The following LGR5 variants were observed in gnomAD, a reference collection of about 807,000 sequenced individuals.
LGR5 encodes leucine rich repeat containing G protein-coupled receptor 5.
A neutral mutation model predicts 76.7 loss-of-function variants in LGR5; 54 were observed. The observed-to-expected ratio is 0.70, with a 90% CI of 0.57 to 0.88. The LOEUF is 0.88. LGR5 is among the 40% of genes least tolerant of loss of function. LGR5 has a pLI of 0.00. For missense variants in LGR5, 1,078 were observed against 1,073.3 expected (o/e 1.00, Z -0.06); for synonymous variants, 406 against 421.9 (o/e 0.96, Z 0.46).
At chr12:71,518,879 G>A (rs539392368) in intron 2 of LGR5, among the ~76,000 whole-genome samples, 10 of 152,108 alleles carry the variant, frequency 6.6e-5, no homozygotes, top group Admixed American at 2.0e-4. Context: ...ATAACTAATG[G>A]GTACTAGGCT....
At chr12:71,495,348 T>A (rs951441454) in intron 1 of LGR5, among the ~76,000 whole-genome samples, 3 of 151,276 alleles carry the variant, frequency 2.0e-5, no homozygotes, top group Admixed American at 6.5e-5. Flanking sequence ...CATAATTATA[T>A]CTTAGTTGGC....
At position 71,574,301 on chromosome 12, in the gene LGR5, C is replaced by CAAAAA. The variant is rs1726461; in HGVS notation, c.1208+1398_1208+1402dup. Among the ~76,000 whole-genome samples the CAAAAA allele has an allele frequency of 5.0e-3, 249 of 49,908 alleles. 11 individuals carry two copies. Among genetic ancestry groups the CAAAAA allele is most frequent in the Non-Finnish European group, 5.5e-3 (166 of 30,114 alleles). 32.7% of individuals were successfully genotyped at this position (49,908 alleles called of 152,430 possible). A position where few individuals can be genotyped will look rare whatever the true frequency, so the allele number is the denominator to read the frequency against. Reference sequence around the variant, plus strand: ...TGAGTGACAGAGCAAGACTCTGTCTCAAAAAAAAAAAAAAAAAAAAAAGGC... The same window carrying CAAAAA: ...TGAGTGACAGAGCAAGACTCTGTCTCAAAAAAAAAAAAAAAAAAAAAAAAAAAGGC... On this transcript the variant is annotated intron_variant, in intron 13 of 17. Coordinates refer to ENST00000266674, the MANE Select transcript of LGR5 (RefSeq NM_003667.4).
chr12:71,494,137 A>G (rs1592488419), intron 1 of LGR5, among the ~76,000 whole-genome samples: 1 of 150,554 alleles, frequency 6.6e-6, no homozygotes, highest in Non-Finnish European at 1.5e-5. Context: ...TAGTAGAGAC[A>G]GGGTTTCACC....
intron 11 of LGR5, among the ~76,000 whole-genome samples, chr12:71,568,889 T>C (rs1797378): frequency 0.88 from 134,164 of 152,228 alleles, 61,103 homozygotes; most frequent in East Asian, 1. Flanking sequence ...ATTCTGTAGG[T>C]TATGTGTAAC....
At position 71,527,682 on chromosome 12, in the gene LGR5, C is replaced by G. The variant is rs183039356; in HGVS notation, c.356+3205C>G. Among the ~76,000 whole-genome samples the G allele has an allele frequency of 5.4e-3, 816 of 152,326 alleles. 31 individuals carry two copies. The highest frequency in any genetic ancestry group is 0.045 in the Admixed American group (688 of 15,288). ...ATTTAATTAAAACATCTCCCAAAGG[C>G]TCTACCCAACACCTCCCAAAGGTCC... is the stretch of plus-strand genomic sequence containing the variant. On this transcript the variant is annotated intron_variant, in intron 3 of 17. Transcript: ENST00000266674.
chr12:71,570,776 A>AT (rs1385028567), intron 11 of LGR5, among the ~76,000 whole-genome samples: 1 of 152,142 alleles, frequency 6.6e-6, no homozygotes, highest in Admixed American at 6.5e-5. Flanking sequence ...AAAAAGTATG[A>AT]TTTTTCCCAT....
rs184338086 is a variant in LGR5 at position 71,549,280 on chromosome 12, C to G, written c.429-3793C>G. Among the ~76,000 whole-genome samples the G allele has an allele frequency of 6.3e-3, 826 of 130,228 alleles. 24 individuals carry two copies. Among genetic ancestry groups the G allele is most frequent in the Non-Finnish European group, 3.9e-3 (232 of 58,814 alleles). The allele number at this position is 130,228 out of a possible 152,430, so 85.4% of individuals were successfully genotyped here. On this transcript the variant is annotated intron_variant, in intron 4 of 17. Coordinates refer to ENST00000266674, the MANE Select transcript of LGR5 (RefSeq NM_003667.4). ...AAGCAGAGTGTAGAATAGTGGTCGC[C>G]AGGGGCTGGGAGTGGGAGTGGTTGA...
At chr12:71,470,745 A>G (rs148448391) in intron 1 of LGR5, among the ~76,000 whole-genome samples, 4 of 152,302 alleles carry the variant, frequency 2.6e-5, no homozygotes, top group Middle Eastern at 3.4e-3. Context: ...GCACTGCCTC[A>G]TGGACACCTT....
chr12:71,462,979 G>T (rs964136219), intron 1 of LGR5, among the ~76,000 whole-genome samples: 1 of 152,122 alleles, frequency 6.6e-6, no homozygotes, highest in African/African-American at 2.4e-5. Context: ...TATTAATTGT[G>T]TCGCTAACTA....
intron 1 of LGR5, among the ~76,000 whole-genome samples, chr12:71,458,273 G>T (rs1384134181): frequency 6.6e-6 from 1 of 152,000 alleles, no homozygotes; most frequent in Non-Finnish European, 1.5e-5. Context: ...ACCAAAGTGT[G>T]TATTTCAAGT....
At chr12:71,544,278 C>CTTTTTT (rs902924663) in intron 4 of LGR5, among the ~76,000 whole-genome samples, 1 of 91,396 alleles carries the variant, frequency 1.1e-5, no homozygotes, top group African/African-American at 4.0e-5. Context: ...TTTTCTTTGT[C>CTTTTTT]TTTTTTTTTT....
intron 2 of LGR5, among the ~76,000 whole-genome samples, chr12:71,514,788 C>A (rs1875354319): frequency 6.6e-6 from 1 of 152,070 alleles, no homozygotes; most frequent in Non-Finnish European, 1.5e-5. Flanking sequence ...AGCTTTTTGG[C>A]TGGATTTGAC....
At chr12:71,552,786 C>T (rs919690018) in intron 4 of LGR5, among the ~76,000 whole-genome samples, 15 of 152,100 alleles carry the variant, frequency 9.9e-5, no homozygotes, top group African/African-American at 2.9e-4. Context: ...AAACTCCATA[C>T]CTCAGGGGAG....
intron 2 of LGR5, among the ~76,000 whole-genome samples, chr12:71,518,444 T>C (rs946673076): frequency 6.6e-6 from 1 of 152,214 alleles, no homozygotes; most frequent in Non-Finnish European, 1.5e-5. Flanking sequence ...AGTGTGGCTA[T>C]TCCTCAAAGA....
intron 1 of LGR5, among the ~76,000 whole-genome samples, chr12:71,499,225 G>A (rs969092628): frequency 2.6e-5 from 4 of 152,074 alleles, no homozygotes; most frequent in African/African-American, 9.7e-5. Flanking sequence ...CCTAGGTTTT[G>A]GGGCTAAGAT....
intron 2 of LGR5, among the ~76,000 whole-genome samples, chr12:71,506,768 G>A (rs1340732858): frequency 1.3e-5 from 2 of 152,110 alleles, no homozygotes; most frequent in African/African-American, 4.8e-5. Context: ...CCTAACTGAT[G>A]TCTTAAAGAC....
At chr12:71,543,095 C>A (rs1295902348) in intron 4 of LGR5, among the ~76,000 whole-genome samples, 1 of 152,178 alleles carries the variant, frequency 6.6e-6, no homozygotes, top group African/African-American at 2.4e-5. Context: ...AAACCTCAAA[C>A]TCTTAAGTGT....
In LGR5 at chr12:71,553,151, G is replaced by A. The variant is rs753744635; in HGVS notation, c.507G>A (p.Leu169=). The change falls in exon 5 of 18, where the codon CTG becomes CTA. Residue 169 remains leucine, a synonymous_variant. Transcript: ENST00000266674. ...TGCATTCCCTGAGGCACCTGTGGCT[G>A]GATGACAATGCGTTAACAGAAATCC... The part of the protein sequence containing the change: ...SGLHSLRHLW[L]DDNALTEIPV... 1.2e-6 allele frequency: 2 copies of A among 1,613,978 alleles called. No homozygotes were observed. The highest frequency in any genetic ancestry group is 3.3e-5 in the Admixed American group (2 of 59,996).
At chr12:71,538,999 A>G (rs549782774) in intron 4 of LGR5, among the ~76,000 whole-genome samples, 3 of 152,366 alleles carry the variant, frequency 2.0e-5, no homozygotes, top group African/African-American at 7.2e-5. Flanking sequence ...ATGCCTATGC[A>G]TTCCACTGAT....
Sources: gnomAD v4.1 joint callset for allele counts (sites outside exome capture counted in the v4.1 genomes callset) on GRCh38, gnomAD v4.1.1 for gene constraint, MANE v1.5 for transcripts, NCBI Gene and HGNC (gene_info 2026-07-23, HGNC 2026-07-21) for gene names.